The following SYT6 variants were observed in gnomAD, a reference collection of about 807,000 sequenced individuals.
The protein encoded by SYT6 is synaptotagmin 6.
Under a neutral mutation model 38.4 loss-of-function variants are expected in SYT6, and 24 were observed. That is an observed-to-expected ratio of 0.62 (90% CI 0.45 to 0.88). The LOEUF is 0.88. Ranked by LOEUF, SYT6 falls within the 40% of genes least tolerant of loss-of-function variation. SYT6 has a pLI of 0.00. For synonymous variants in SYT6, 265 were observed against 241.9 expected, an observed-to-expected ratio of 1.10 and a Z score of -0.89; for missense variants, 611 against 621.0, an observed-to-expected ratio of 0.98 and a Z score of 0.17.
intron 1 of SYT6, among the ~76,000 whole-genome samples, chr1:114,151,181 C>A (rs1679421104): frequency 1.3e-5 from 2 of 152,142 alleles, no homozygotes; most frequent in Non-Finnish European, 2.9e-5. Flanking sequence ...CCTCTGGTCA[C>A]CTAAATTCTC....
intron 1 of SYT6, among the ~76,000 whole-genome samples, chr1:114,151,871 C>G (rs544425591): frequency 6.6e-6 from 1 of 152,282 alleles, no homozygotes; most frequent in Non-Finnish European, 1.5e-5. Flanking sequence ...CTGCGAATCT[C>G]CAAGGCAGGG....
At position 114,137,637 on chromosome 1, in the gene SYT6, C is replaced by T. The variant is rs776030947; in HGVS notation, c.929G>A (p.Arg310His). The change falls in exon 3 of 8, where the codon CGC becomes CAC. Residue 310 changes from arginine to histidine, a missense_variant. Arg to His is a conservative substitution (Grantham distance 29, BLOSUM62 0). Coordinates refer to ENST00000610222, the MANE Select transcript of SYT6 (RefSeq NM_001253772.2). Reference sequence around the variant, plus strand: ...GTCGAAGACACTGAGATGCAGCTTGCGGTCAGCCAGCTCCTCATAGGGCAC... The same window carrying T: ...GTCGAAGACACTGAGATGCAGCTTGTGGTCAGCCAGCTCCTCATAGGGCAC... ...FPVPYEELAD[R>H]KLHLSVFDFD... 2.0e-5 allele frequency: 32 copies of T among 1,614,126 alleles called. 1 individual carries two copies. Among genetic ancestry groups the T allele is most frequent in the South Asian group, 6.6e-5 (6 of 91,064 alleles).
At position 114,093,820 on chromosome 1, in the gene SYT6, GATAA is replaced by G. The variant is rs781236919; in HGVS notation, c.1516-21_1516-18del. 1.9e-6 allele frequency: 3 copies of G among 1,613,696 alleles called. No individual in the cohort carries two copies. The highest frequency in any genetic ancestry group is 2.2e-5 in the South Asian group (2 of 91,042). On this transcript the variant is annotated intron_variant, in intron 6 of 7. Transcript: ENST00000610222. ...AGGGTTTCCCTGGTGAAATATTTTA[GATAA>G]ATAAATGCCTGGTTGTTGAGGCCAC...
intron 6 of SYT6, 99 bp from the exon 7 acceptor site, chr1:114,093,902 C>T: frequency 9.1e-7 from 1 of 1,100,182 alleles, no homozygotes; most frequent in Non-Finnish European, 1.4e-6. Flanking sequence ...CACATGATTA[C>T]TAATGCTCTT....
chr1:114,137,472 C>T, intron 3 of SYT6, 23 bp downstream of exon 3: 1 of 1,592,318 alleles, frequency 6.3e-7, no homozygotes, highest in South Asian at 1.1e-5. Flanking sequence ...CCTCAAGAAG[C>T]CAAGGAACAG....
At chr1:114,093,690 G>T (rs1675452672) in intron 7 of SYT6, 45 bp downstream of exon 7, 4 of 1,572,486 alleles carry the variant, frequency 2.5e-6, no homozygotes, top group African/African-American at 1.4e-5. Context: ...GGAGACAAAA[G>T]GTAATAAGCA....
rs1472691274 is a variant in SYT6, at chr1:114,099,091, T to G, written c.1364+3A>C. The G allele has an allele frequency of 2.5e-6, 4 of 1,611,152 alleles. No individual in the cohort carries two copies. The highest frequency in any genetic ancestry group is 3.4e-6 in the Non-Finnish European group (4 of 1,178,384). ...ATTACGTCCCTCTAGGACGCCTACC[T>G]ACCGATCATAGTCCATGACTGAGAT... On this transcript the variant is annotated splice_donor_region_variant and intron_variant, in intron 5 of 7. Coordinates refer to ENST00000610222, the MANE Select transcript of SYT6 (RefSeq NM_001253772.2).
intron 3 of SYT6, among the ~76,000 whole-genome samples, chr1:114,131,308 C>T (rs561983052): frequency 1.3e-5 from 2 of 152,172 alleles, no homozygotes; most frequent in Non-Finnish European, 2.9e-5. Flanking sequence ...GATCCTTCCC[C>T]AAGTCCAAAG....
At chr1:114,103,991 CT>C (rs111836829) in intron 3 of SYT6, among the ~76,000 whole-genome samples, 2,879 of 152,340 alleles carry the variant, frequency 0.019, 86 homozygotes, top group African/African-American at 0.066. Flanking sequence ...TGCTGTTCTG[CT>C]TTTGGCCTGA....
At position 114,137,963 on chromosome 1, in the gene SYT6, G is replaced by A; in HGVS notation, c.603C>T (p.Pro201=). The change falls in exon 3 of 8, where the codon CCC becomes CCT. Residue 201 remains proline (P), a synonymous_variant. Coordinates refer to ENST00000610222, the MANE Select transcript of SYT6 (RefSeq NM_001253772.2). ...GNELPPAAEQ[P]TSIGRIKPEL... is the part of the protein sequence containing the mutation. The stretch of plus-strand genomic sequence containing the variant: ...CAGGCTTGATGCGGCCAATGCTGGT[G>A]GGCTGCTCTGCTGCTGGTGGAAGCT... 6.2e-7 allele frequency: 1 copy of A among 1,614,036 alleles called. No homozygotes were observed.
At chr1:114,150,670 AG>A (rs770824574) in intron 1 of SYT6, among the ~76,000 whole-genome samples, 1 of 152,198 alleles carries the variant, frequency 6.6e-6, no homozygotes, top group African/African-American at 2.4e-5. Flanking sequence ...TTATGGAAAA[AG>A]TTCATTCATT....
intron 3 of SYT6, among the ~76,000 whole-genome samples, chr1:114,122,631 G>A (rs974523878): frequency 6.6e-6 from 1 of 152,212 alleles, no homozygotes; most frequent in Non-Finnish European, 1.5e-5. Context: ...GCAGAGAGGA[G>A]CGCAGCCAGA....
chr1:114,096,419 G>A (rs1675644742), intron 6 of SYT6, among the ~76,000 whole-genome samples: 1 of 152,314 alleles, frequency 6.6e-6, no homozygotes, highest in South Asian at 2.1e-4. Flanking sequence ...ATCTCTTGAT[G>A]CTGCCCCAAA....
rs955011926 is a variant in SYT6 at position 114,089,813 on chromosome 1, T to C, written c.*2321A>G. The C allele has an allele frequency of 2.0e-5, 3 of 152,498 alleles. No individual in the cohort carries two copies. Among genetic ancestry groups the C allele is most frequent in the Non-Finnish European group, 4.4e-5 (3 of 68,166 alleles). 9.4% of individuals were successfully genotyped at this position (152,498 alleles called of 1,614,324 possible). A position where few individuals can be genotyped will look rare whatever the true frequency, so the allele number is the denominator to read the frequency against. ...ACTGCTAGAGCAGCAGCGGTTGCAG[T>C]TGGCCAGGGTGGTGTGGGGCTGGCT... is the stretch of plus-strand genomic sequence containing the variant. On this transcript the variant is annotated 3_prime_UTR_variant, in exon 8 of 8. Transcript: ENST00000610222.
At chr1:114,113,708 A>G (rs1050102307) in intron 3 of SYT6, among the ~76,000 whole-genome samples, 1 of 152,098 alleles carries the variant, frequency 6.6e-6, no homozygotes, top group Admixed American at 6.5e-5. Flanking sequence ...CCAGTGCCAC[A>G]CGGAGGCCAA....
chr1:114,144,526 T>A (rs999735168), intron 1 of SYT6, among the ~76,000 whole-genome samples: 1 of 152,228 alleles, frequency 6.6e-6, no homozygotes, highest in Non-Finnish European at 1.5e-5. Flanking sequence ...TAGGCTACTA[T>A]GACACGTGTT....
intron 1 of SYT6, among the ~76,000 whole-genome samples, chr1:114,151,072 C>G (rs1285433437): frequency 6.6e-6 from 1 of 152,202 alleles, no homozygotes; most frequent in African/African-American, 2.4e-5. Context: ...AAATGAAAAG[C>G]TCTAGCATTG....
chr1:114,103,529 CCTT>C, intron 4 of SYT6, 69 bp downstream of exon 4: 1 of 1,584,092 alleles, frequency 6.3e-7, no homozygotes. Flanking sequence ...AATTCTTTCT[CCTT>C]CTCCCCGAAC....
At chr1:114,151,500 A>G (rs1367503635) in intron 1 of SYT6, among the ~76,000 whole-genome samples, 3 of 151,904 alleles carry the variant, frequency 2.0e-5, no homozygotes, top group Admixed American at 6.6e-5. Context: ...GAGTCAGAAC[A>G]CCTGTGCCTC....
Sources: gnomAD v4.1 joint callset for allele counts (sites outside exome capture counted in the v4.1 genomes callset) on GRCh38, gnomAD v4.1.1 for gene constraint, MANE v1.5 for transcripts, NCBI Gene and HGNC (gene_info 2026-07-23, HGNC 2026-07-21) for gene names.